PLXDC2: variants seen among roughly 807,000 people sequenced by gnomAD.
PLXDC2 encodes plexin domain-containing protein 2.
Under a neutral mutation model 68.9 loss-of-function variants are expected in PLXDC2, and 40 were observed. That is an observed-to-expected ratio of 0.58 (90% confidence interval 0.45 to 0.76). PLXDC2 has a LOEUF of 0.76. Ranked by LOEUF, PLXDC2 falls within the 30% of genes least tolerant of loss-of-function variation. The pLI is 0.00. For synonymous variants in PLXDC2, 243 were observed against 234.2 expected (o/e 1.04, Z -0.34); for missense variants, 644 against 661.9 (o/e 0.97, Z 0.30).
At chr10:20,146,151 C>T (rs757926011) in intron 5 of PLXDC2, among the ~76,000 whole-genome samples, 39 of 152,074 alleles carry the variant, frequency 2.6e-4, no homozygotes, top group Non-Finnish European at 5.0e-4. Flanking sequence ...CACTGCATCA[C>T]CAGAGTGCGA....
At chr10:20,029,495 T>A (rs772341958) in intron 2 of PLXDC2, among the ~76,000 whole-genome samples, 3 of 152,168 alleles carry the variant, frequency 2.0e-5, no homozygotes, top group Non-Finnish European at 4.4e-5. Context: ...TTTCTTGGGG[T>A]CTTTCCAGCT....
rs1836185151 is a variant in PLXDC2, at chr10:20,288,245, C to G, written c.*8426C>G. 6.6e-6 allele frequency: 1 copy of G among 152,116 alleles called. No individual in the cohort carries two copies. The highest frequency in any genetic ancestry group is 2.4e-5 in the African/African-American group (1 of 41,406). 9.4% of individuals were successfully genotyped at this position (152,116 alleles called of 1,614,324 possible). A position where few individuals can be genotyped will look rare whatever the true frequency, so the allele number is the denominator to read the frequency against. On this transcript the variant is annotated 3_prime_UTR_variant, in exon 14 of 14. Transcript: ENST00000377252. ...TTTTGGAAAGCCCTGTGTGCCAAACCAAGGACGTGTCTTTCAGGGAAAGGT... is the reference window on the plus strand; with the variant it reads ...TTTTGGAAAGCCCTGTGTGCCAAACGAAGGACGTGTCTTTCAGGGAAAGGT...
chr10:19,845,856 G>A (rs1026411941), intron 1 of PLXDC2, among the ~76,000 whole-genome samples: 10 of 152,138 alleles, frequency 6.6e-5, no homozygotes, highest in African/African-American at 2.2e-4. Context: ...TAACTCCCAG[G>A]TGTTACCATA....
At chr10:19,947,638 G>A (rs1833924282) in intron 1 of PLXDC2, among the ~76,000 whole-genome samples, 1 of 150,612 alleles carries the variant, frequency 6.6e-6, no homozygotes, top group Non-Finnish European at 1.5e-5. Context: ...TAAAAATTCT[G>A]TAATACACCT....
intron 1 of PLXDC2, among the ~76,000 whole-genome samples, chr10:19,899,006 AATAC>A (rs1453981612): frequency 3.9e-5 from 6 of 152,216 alleles, no homozygotes; most frequent in Non-Finnish European, 8.8e-5. Flanking sequence ...AATAGAAATG[AATAC>A]ATTATAAAAT....
At chr10:20,044,475 AT>A (rs947477487) in intron 2 of PLXDC2, among the ~76,000 whole-genome samples, 12 of 151,494 alleles carry the variant, frequency 7.9e-5, no homozygotes, top group Admixed American at 5.9e-4. Flanking sequence ...ACGCCTGGCT[AT>A]TTTTTGTATT....
At chr10:19,900,542 A>T (rs890706523) in intron 1 of PLXDC2, among the ~76,000 whole-genome samples, 1 of 152,118 alleles carries the variant, frequency 6.6e-6, no homozygotes, top group African/African-American at 2.4e-5. Context: ...TTTTATCAAC[A>T]TCCACATAGT....
chr10:20,029,934 T>A (rs980164130), intron 2 of PLXDC2, among the ~76,000 whole-genome samples: 2 of 152,212 alleles, frequency 1.3e-5, no homozygotes, highest in African/African-American at 4.8e-5. Context: ...TTTTCCCTCT[T>A]CTAAGATGTG....
At chr10:20,158,728 C>G (rs1029452586) in intron 6 of PLXDC2, among the ~76,000 whole-genome samples, 1 of 151,520 alleles carries the variant, frequency 6.6e-6, no homozygotes, top group African/African-American at 2.4e-5. Context: ...TTTAAATGTA[C>G]CTTTTAATAA....
chr10:20,058,556 G>A (rs1372823252), intron 3 of PLXDC2, among the ~76,000 whole-genome samples: 2 of 152,034 alleles, frequency 1.3e-5, no homozygotes, highest in Non-Finnish European at 2.9e-5. Context: ...CTGTTACATC[G>A]ATAATAATAA....
In PLXDC2 at chr10:20,174,969, G is replaced by A. The variant is rs1340365616; in HGVS notation, c.884-2030G>A. On this transcript the variant is annotated intron_variant, in intron 7 of 13. Coordinates refer to ENST00000377252, the MANE Select transcript of PLXDC2 (RefSeq NM_032812.9). Reference sequence around the variant, plus strand: ...CTCCCTGCTCTATATTTTAGAGGAGGTCATCGTTGGGTGTAATGATTTCAA... The same window carrying A: ...CTCCCTGCTCTATATTTTAGAGGAGATCATCGTTGGGTGTAATGATTTCAA... Among the ~76,000 whole-genome samples, 7 of 152,126 alleles carry A rather than the reference G, an allele frequency of 4.6e-5. No homozygotes were observed. In the East Asian group the frequency reaches 1.2e-3, roughly 25 times the overall value.
At chr10:19,871,408 G>A (rs1837531709) in intron 1 of PLXDC2, among the ~76,000 whole-genome samples, 1 of 152,260 alleles carries the variant, frequency 6.6e-6, no homozygotes, top group South Asian at 2.1e-4. Flanking sequence ...GTGCCAAATT[G>A]TATCACAGTG....
chr10:19,864,253 GC>G (rs1837374155), intron 1 of PLXDC2, among the ~76,000 whole-genome samples: 1 of 152,126 alleles, frequency 6.6e-6, no homozygotes, highest in South Asian at 2.1e-4. Context: ...CAATCCTCCA[GC>G]CTTGGCCTCC....
intron 2 of PLXDC2, among the ~76,000 whole-genome samples, chr10:20,021,196 TTTTG>T (rs144104724): frequency 0.2 from 30,386 of 151,890 alleles, 3,175 homozygotes; most frequent in East Asian, 0.39. Context: ...ATCCTGTTTT[TTTTG>T]TTTGTTTGTT....
chr10:20,186,154 T>A (rs1343569316), intron 9 of PLXDC2, among the ~76,000 whole-genome samples: 1 of 151,962 alleles, frequency 6.6e-6, no homozygotes, highest in Non-Finnish European at 1.5e-5. Context: ...CTAAAAAAAG[T>A]CCTTGCTGAA....
At chr10:20,259,007 CAA>C (rs59615493) in intron 13 of PLXDC2, among the ~76,000 whole-genome samples, 63 of 102,106 alleles carry the variant, frequency 6.2e-4, no homozygotes, top group African/African-American at 1.8e-3. Context: ...TACTCCGTCT[CAA>C]AAAAAAAAAA....
chr10:19,987,076 T>C (rs980409605), intron 1 of PLXDC2, among the ~76,000 whole-genome samples: 2 of 152,210 alleles, frequency 1.3e-5, no homozygotes, highest in African/African-American at 2.4e-5. Flanking sequence ...TTTGTATTAA[T>C]TGAAACATAA....
At chr10:19,954,640 A>G (rs1022955374) in intron 1 of PLXDC2, among the ~76,000 whole-genome samples, 8 of 152,204 alleles carry the variant, frequency 5.3e-5, no homozygotes, top group Non-Finnish European at 2.9e-5. Flanking sequence ...TGACTAAAAA[A>G]CTATTATATT....
Position 20,087,090 on chromosome 10 carries a change from G to A in PLXDC2, c.541+18851G>A, listed in dbSNP as rs377268036. 1.7e-4 allele frequency among the ~76,000 whole-genome samples: 26 copies of A among 152,298 alleles called. No individual in the cohort carries two copies. In the South Asian group the frequency reaches 5.4e-3, roughly 32 times the overall value. Reference sequence around the variant, plus strand: ...CAATGTCAAAAAGATCATTTCAAAGGGTTTGAATTTTATGACATACAAATC... The same window carrying A: ...CAATGTCAAAAAGATCATTTCAAAGAGTTTGAATTTTATGACATACAAATC... On this transcript the variant is annotated intron_variant, in intron 4 of 13. Transcript: ENST00000377252.
Sources: gnomAD v4.1 joint callset for allele counts (sites outside exome capture counted in the v4.1 genomes callset) on GRCh38, gnomAD v4.1.1 for gene constraint, MANE v1.5 for transcripts, NCBI Gene and HGNC (gene_info 2026-07-23, HGNC 2026-07-21) for gene names.